LINGO2: variants seen among roughly 807,000 people sequenced by gnomAD.
LINGO2 encodes leucine rich repeat and Ig domain containing 2, also known as leucine-rich repeat and immunoglobulin-like domain-containing nogo receptor-interacting protein 2.
A neutral mutation model predicts 30.6 loss-of-function variants in LINGO2; 14 were observed. That is an observed-to-expected ratio of 0.46 (90% CI 0.30 to 0.72). LINGO2 has a LOEUF of 0.72. LINGO2 is among the 30% of genes least tolerant of loss of function. The probability of loss-of-function intolerance (pLI) is 0.07; values close to 1 mark genes in which losing one functional copy is unlikely to be tolerated. For missense variants in LINGO2, 729 were observed against 751.7 expected (o/e 0.97, Z 0.35); for synonymous variants, 317 against 288.5 (o/e 1.10, Z -1.00).
chr9:29,025,722 C>A, the LINGO2 span, among the ~76,000 whole-genome samples: 15 of 152,252 alleles, frequency 9.9e-5, no homozygotes, highest in African/African-American at 3.6e-4. Context: ...TAACCATAGT[C>A]ACCATGTTGT....
intron 4 of LINGO2, among the ~76,000 whole-genome samples, chr9:28,140,912 A>G (rs189902636): frequency 6.6e-6 from 1 of 150,794 alleles, no homozygotes; most frequent in East Asian, 1.9e-4. Flanking sequence ...TTTATTCCGT[A>G]ATATACTTAA....
At chr9:29,133,361 A>G in the LINGO2 span, among the ~76,000 whole-genome samples, 1 of 152,166 alleles carries the variant, frequency 6.6e-6, no homozygotes, top group Non-Finnish European at 1.5e-5. Context: ...ATAATAATCA[A>G]CTGATTTCTA....
chr9:28,931,562 TACA>T, the LINGO2 span, among the ~76,000 whole-genome samples: 2 of 152,190 alleles, frequency 1.3e-5, no homozygotes, highest in Non-Finnish European at 2.9e-5. Context: ...TGTCCTTAAC[TACA>T]ACATGTTTTG....
chr9:28,432,691 T>A (rs1028898891), intron 2 of LINGO2, among the ~76,000 whole-genome samples: 1 of 152,168 alleles, frequency 6.6e-6, no homozygotes, highest in Admixed American at 6.5e-5. Context: ...GCATTTATGG[T>A]CACATTAATC....
intron 1 of LINGO2, among the ~76,000 whole-genome samples, chr9:28,638,798 G>C (rs1397523391): frequency 6.6e-6 from 1 of 152,032 alleles, no homozygotes; most frequent in Non-Finnish European, 1.5e-5. Flanking sequence ...TTTTTGAAGG[G>C]TTTTTTGTAT....
the LINGO2 span, among the ~76,000 whole-genome samples, chr9:29,179,427 CAG>C: frequency 6.6e-6 from 1 of 151,888 alleles, no homozygotes; most frequent in African/African-American, 2.4e-5. Flanking sequence ...TTTATTGAGA[CAG>C]AGTCTCACTC....
At chr9:28,144,729 C>T (rs1042765685) in intron 4 of LINGO2, among the ~76,000 whole-genome samples, 4 of 152,104 alleles carry the variant, frequency 2.6e-5, no homozygotes, top group Non-Finnish European at 5.9e-5. Flanking sequence ...CAACAAAAAA[C>T]GGGACTCCTG....
the LINGO2 span, among the ~76,000 whole-genome samples, chr9:29,006,214 G>A: frequency 1.3e-5 from 2 of 151,792 alleles, no homozygotes; most frequent in Non-Finnish European, 2.9e-5. Context: ...CATGAATGAT[G>A]TATTCTCTAT....
chr9:28,571,665 T>G (rs1823700674), intron 1 of LINGO2, among the ~76,000 whole-genome samples: 1 of 152,166 alleles, frequency 6.6e-6, no homozygotes, highest in African/African-American at 2.4e-5. Flanking sequence ...CTTGACTCCA[T>G]ATGAATTGGT....
chr9:28,264,982 A>C (rs1171790477), intron 4 of LINGO2, among the ~76,000 whole-genome samples: 2 of 151,750 alleles, frequency 1.3e-5, no homozygotes, highest in East Asian at 2.0e-4. Flanking sequence ...TGCAGCATCA[A>C]CTCCTGCTAA....
chr9:28,333,092 A>G (rs1825478627), intron 3 of LINGO2, among the ~76,000 whole-genome samples: 1 of 152,202 alleles, frequency 6.6e-6, no homozygotes, highest in Admixed American at 6.5e-5. Flanking sequence ...GTCAGTAAAA[A>G]GAAGAGACAC....
At chr9:28,955,109 T>C in the LINGO2 span, among the ~76,000 whole-genome samples, 3 of 151,576 alleles carry the variant, frequency 2.0e-5, no homozygotes, top group South Asian at 2.1e-4. Flanking sequence ...TCAATAAATA[T>C]AGGGAGAGAA....
At chr9:29,124,459 A>T in the LINGO2 span, among the ~76,000 whole-genome samples, 1 of 152,190 alleles carries the variant, frequency 6.6e-6, no homozygotes, top group Admixed American at 6.5e-5. Context: ...AGAAACTATC[A>T]TCAGAGTGAA....
the LINGO2 span, among the ~76,000 whole-genome samples, chr9:29,144,146 T>TC: frequency 6.6e-6 from 1 of 152,188 alleles, no homozygotes; most frequent in South Asian, 2.1e-4. Context: ...CTTTTACCAG[T>TC]ACCGTGCTGT....
At chr9:28,825,568 G>GTTTT in the LINGO2 span, among the ~76,000 whole-genome samples, 1 of 149,960 alleles carries the variant, frequency 6.7e-6, no homozygotes, top group Non-Finnish European at 1.5e-5. Flanking sequence ...TTTGTATCTG[G>GTTTT]TTTTTTTTTT....
rs926596559 is a variant in LINGO2, at chr9:28,455,515, G to A, written c.-279+20425C>T. On this transcript the variant is annotated intron_variant, in intron 2 of 5. Transcript: ENST00000379992. ...TATACTCATATAATAAACATAGAAC[G>A]TACAATCAAAACCAATGCATGAGTG... 5.9e-5 allele frequency among the ~76,000 whole-genome samples: 9 copies of A among 152,052 alleles called. No individual in the cohort carries two copies. In the East Asian group the frequency reaches 9.7e-4, roughly 16 times the overall value.
At chr9:28,961,528 A>C in the LINGO2 span, among the ~76,000 whole-genome samples, 1 of 152,164 alleles carries the variant, frequency 6.6e-6, no homozygotes, top group Non-Finnish European at 1.5e-5. Flanking sequence ...TTAAACTACA[A>C]TTTATAATCT....
chr9:27,982,051 A>T (rs1230196927), intron 5 of LINGO2, among the ~76,000 whole-genome samples: 1 of 151,786 alleles, frequency 6.6e-6, no homozygotes. Context: ...GTGAAAACTG[A>T]CTTTTCCTTC....
intron 1 of LINGO2, among the ~76,000 whole-genome samples, chr9:28,508,286 GA>G (rs1366277815): frequency 6.6e-6 from 1 of 152,050 alleles, no homozygotes; most frequent in Non-Finnish European, 1.5e-5. Context: ...GTTGACATCA[GA>G]AAATAGTATT....
Sources: allele counts gnomAD v4.1 joint callset (sites outside exome capture counted in the v4.1 genomes callset), GRCh38; gene constraint gnomAD v4.1.1; transcripts MANE v1.5; gene names NCBI Gene and HGNC (gene_info 2026-07-23, HGNC 2026-07-21).